ALK: variants seen among roughly 807,000 people sequenced by gnomAD.
ALK encodes ALK tyrosine kinase receptor.
Under a neutral mutation model 163.1 loss-of-function variants are expected in ALK, and 74 were observed. That is an observed-to-expected ratio of 0.45 (90% CI 0.38 to 0.55). The LOEUF (loss-of-function observed/expected upper bound fraction) is 0.55. ALK is among the 20% of genes least tolerant of loss of function. ALK has a pLI of 0.00. For missense variants in ALK, 2,063 were observed against 2,105.3 expected, an observed-to-expected ratio of 0.98 and a Z score of 0.39; for synonymous variants, 960 against 843.2, an observed-to-expected ratio of 1.14 and a Z score of -2.40.
rs1222591657 is a variant in ALK at position 29,848,092 on chromosome 2, G to A, written c.667+71901C>T. On this transcript the variant is annotated intron_variant, in intron 1 of 28. Transcript: ENST00000389048. ...CTTGGCTGCTGGTGAGGCTCGGTACGCAGCTGCCAGGGTCCCTGGGGGATC... is the reference window on the plus strand; with the variant it reads ...CTTGGCTGCTGGTGAGGCTCGGTACACAGCTGCCAGGGTCCCTGGGGGATC... Among the ~76,000 whole-genome samples, 5 of 152,094 alleles carry A rather than the reference G, an allele frequency of 3.3e-5. No homozygotes were observed. In the East Asian group the frequency reaches 9.7e-4, roughly 29 times the overall value.
chr2:29,723,907 G>A (rs1333549329), intron 1 of ALK, among the ~76,000 whole-genome samples: 4 of 152,104 alleles, frequency 2.6e-5, no homozygotes, highest in Admixed American at 6.5e-5. Flanking sequence ...GAGCTGCTTC[G>A]CTATTATTCA....
At chr2:29,598,362 G>GTTTT in intron 3 of ALK, among the ~76,000 whole-genome samples, 1 of 142,070 alleles carries the variant, frequency 7.0e-6, no homozygotes, top group South Asian at 2.3e-4. Flanking sequence ...CTAGTTGTTT[G>GTTTT]TTTTTTGTTT....
intron 4 of ALK, among the ~76,000 whole-genome samples, chr2:29,453,295 G>A (rs1031571119): frequency 1.3e-5 from 2 of 152,114 alleles, no homozygotes; most frequent in African/African-American, 4.8e-5. Flanking sequence ...GCAATGGCAT[G>A]AGCATAGCTC....
In ALK at chr2:29,365,162, G is replaced by A. The variant is rs1413743129; in HGVS notation, c.1282+18570C>T. Among the ~76,000 whole-genome samples, 3 of 152,228 alleles carry A rather than the reference G, an allele frequency of 2.0e-5. No individual in the cohort carries two copies. In the East Asian group the frequency reaches 5.8e-4, roughly 29 times the overall value. ...TTAGCAGGAACACATTCTCATGTGT[G>A]TTGGCTGAAGCAAGAGTTGCTAGAC... On this transcript the variant is annotated intron_variant, in intron 5 of 28. Coordinates refer to ENST00000389048, the MANE Select transcript of ALK (RefSeq NM_004304.5).
At chr2:29,459,514 C>T (rs535247213) in intron 4 of ALK, among the ~76,000 whole-genome samples, 13 of 151,794 alleles carry the variant, frequency 8.6e-5, no homozygotes, top group Non-Finnish European at 1.3e-4. Context: ...GTTGCAAACT[C>T]GTTATTTTTG....
At chr2:29,642,785 C>A (rs1262961940) in intron 3 of ALK, among the ~76,000 whole-genome samples, 1 of 152,156 alleles carries the variant, frequency 6.6e-6, no homozygotes, top group Non-Finnish European at 1.5e-5. Context: ...ATTAGTACTA[C>A]ATGGATAAAT....
chr2:29,747,589 C>A (rs1680238519), intron 1 of ALK, among the ~76,000 whole-genome samples: 1 of 152,182 alleles, frequency 6.6e-6, no homozygotes, highest in Admixed American at 6.5e-5. Flanking sequence ...TTTTTATCCC[C>A]TCAATGTCCA....
chr2:29,260,207 C>T (rs188634856), intron 11 of ALK, among the ~76,000 whole-genome samples: 1 of 115,732 alleles, frequency 8.6e-6, no homozygotes, highest in African/African-American at 2.7e-5. Flanking sequence ...TGAGTTCTAG[C>T]ACCACATTTC....
intron 4 of ALK, among the ~76,000 whole-genome samples, chr2:29,511,997 C>A (rs77990075): frequency 1.2e-4 from 18 of 151,954 alleles, no homozygotes; most frequent in African/African-American, 4.1e-4. Flanking sequence ...TTCTCCCACA[C>A]TGTGGCTTGT....
intron 3 of ALK, among the ~76,000 whole-genome samples, chr2:29,550,626 G>A (rs923357679): frequency 1.3e-5 from 2 of 152,154 alleles, no homozygotes; most frequent in African/African-American, 4.8e-5. Context: ...TATCATGGGT[G>A]CTTATTTAAA....
intron 8 of ALK, among the ~76,000 whole-genome samples, chr2:29,313,007 T>A (rs372464944): frequency 0.087 from 13,296 of 152,218 alleles, 617 homozygotes; most frequent in Non-Finnish European, 0.1. Context: ...AACATTACCC[T>A]GGAATCCCTC....
intron 7 of ALK, among the ~76,000 whole-genome samples, chr2:29,318,723 CGCCCG>C (rs1379079420): frequency 2.6e-5 from 4 of 152,036 alleles, no homozygotes; most frequent in Non-Finnish European, 4.4e-5. Flanking sequence ...CCTGCCACCA[CGCCCG>C]GCTAATTTTT....
At chr2:29,388,606 T>C (rs751867634) in intron 4 of ALK, among the ~76,000 whole-genome samples, 1 of 152,232 alleles carries the variant, frequency 6.6e-6, no homozygotes, top group African/African-American at 2.4e-5. Flanking sequence ...TGGATTGTTG[T>C]AAGGATTTTT....
intron 1 of ALK, among the ~76,000 whole-genome samples, chr2:29,768,077 G>T (rs1191342738): frequency 6.6e-6 from 1 of 152,204 alleles, no homozygotes; most frequent in East Asian, 1.9e-4. Flanking sequence ...GTGGATATCG[G>T]CTGGAGTATC....
chr2:29,682,099 G>T (rs758820385), intron 3 of ALK, among the ~76,000 whole-genome samples: 11 of 152,184 alleles, frequency 7.2e-5, no homozygotes, highest in Admixed American at 2.6e-4. Flanking sequence ...AGCCAATCTT[G>T]CTGGTTCTGC....
At chr2:29,742,586 CA>C (rs1680090954) in intron 1 of ALK, among the ~76,000 whole-genome samples, 1 of 152,178 alleles carries the variant, frequency 6.6e-6, no homozygotes, top group Admixed American at 6.5e-5. Flanking sequence ...GCCAGGGATC[CA>C]ACACTAGGCA....
intron 5 of ALK, among the ~76,000 whole-genome samples, chr2:29,356,192 C>T (rs890777101): frequency 3.1e-4 from 47 of 152,234 alleles, no homozygotes; most frequent in East Asian, 3.9e-4. Flanking sequence ...TAATAGCTGA[C>T]GTTTCCTGAG....
rs181485479 is a variant in ALK at position 29,227,480 on chromosome 2, T to G, written c.2914+94A>C. 8.9e-7 allele frequency: 1 copy of G among 1,124,048 alleles called. No homozygotes were observed. The highest frequency in any genetic ancestry group is 2.3e-5 in the East Asian group (1 of 42,672). 69.6% of individuals were successfully genotyped at this position (1,124,048 alleles called of 1,614,324 possible). A position where few individuals can be genotyped will look rare whatever the true frequency, so the allele number is the denominator to read the frequency against. ...TGCCAGGGACCCATAATTGTGCCTC[T>G]GTATCCTGGATACAGGTCAGAGACT... On this transcript the variant is annotated intron_variant, in intron 17 of 28. Transcript: ENST00000389048. The surrounding 1 kb of genome is among the most constrained non-coding windows in gnomAD (Gnocchi z 4.4).
chr2:29,598,094 C>A (rs954993226), intron 3 of ALK, among the ~76,000 whole-genome samples: 1 of 152,242 alleles, frequency 6.6e-6, no homozygotes, highest in African/African-American at 2.4e-5. Context: ...ATGGTGCGAT[C>A]TTGGCTCACT....
Sources: gnomAD v4.1 joint callset for allele counts (sites outside exome capture counted in the v4.1 genomes callset) on GRCh38, gnomAD v4.1.1 for gene constraint, Gnocchi (gnomAD v3.1) non-coding constraint, MANE v1.5 for transcripts, NCBI Gene and HGNC (gene_info 2026-07-23, HGNC 2026-07-21) for gene names.